Variants in ARHGAP6 observed in about 807,000 individuals in gnomAD.
ARHGAP6 encodes the protein rho GTPase-activating protein 6.
A neutral mutation model predicts 55.7 loss-of-function variants in ARHGAP6; 16 were observed. The observed-to-expected ratio is 0.29, with a 90% confidence interval of 0.19 to 0.44. The LOEUF is 0.44. ARHGAP6 is among the 20% of genes least tolerant of loss of function. The pLI is 1.00. For missense variants in ARHGAP6, 698 were observed against 808.9 expected (o/e 0.86, Z 1.66); for synonymous variants, 382 against 360.9 (o/e 1.06, Z -0.66).
intron 1 of ARHGAP6, among the ~76,000 whole-genome samples, chrX:11,474,006 G>A (rs1375547674): frequency 9.0e-6 from 1 of 110,829 alleles, no homozygotes; most frequent in Non-Finnish European, 1.9e-5. Context: ...AAGCTCCTGG[G>A]GTCCAGGCTC....
chrX:11,390,108 G>A (rs1018268085), intron 1 of ARHGAP6, among the ~76,000 whole-genome samples: 1 of 111,957 alleles, frequency 8.9e-6, no homozygotes, highest in African/African-American at 3.2e-5. Flanking sequence ...TTTGTATAAG[G>A]TATAAGGAAG....
At chrX:11,661,542 C>T (rs891215711) in intron 1 of ARHGAP6, among the ~76,000 whole-genome samples, 14 of 112,259 alleles carry the variant, frequency 1.2e-4, no homozygotes, top group African/African-American at 4.5e-4. Flanking sequence ...GGACAATTTA[C>T]GTTAAAAGCA....
intron 1 of ARHGAP6, among the ~76,000 whole-genome samples, chrX:11,269,121 T>C (rs1019962586): frequency 2.7e-5 from 3 of 111,640 alleles, no homozygotes; most frequent in Admixed American, 9.5e-5. Flanking sequence ...AATAGACTTA[T>C]GTTGTGAAAT....
At chrX:11,650,898 T>C (rs2052576841) in intron 1 of ARHGAP6, among the ~76,000 whole-genome samples, 1 of 112,359 alleles carries the variant, frequency 8.9e-6, no homozygotes, top group African/African-American at 3.2e-5. Context: ...ACCTTTCATG[T>C]TTACTTTCTC....
chrX:11,381,073 G>A (rs774683219), intron 1 of ARHGAP6, among the ~76,000 whole-genome samples: 1 of 112,833 alleles, frequency 8.9e-6, no homozygotes, highest in Non-Finnish European at 1.9e-5. Context: ...GGTTAAGTGA[G>A]GATGTATTTA....
At chrX:11,204,070 C>A (rs964138983) in intron 2 of ARHGAP6, among the ~76,000 whole-genome samples, 1 of 112,128 alleles carries the variant, frequency 8.9e-6, no homozygotes, top group Non-Finnish European at 1.9e-5. Flanking sequence ...TGTGTGTGTG[C>A]ATGACTTGAT....
At chrX:11,538,971 C>T (rs1457629472) in intron 1 of ARHGAP6, among the ~76,000 whole-genome samples, 1 of 109,863 alleles carries the variant, frequency 9.1e-6, no homozygotes, top group Non-Finnish European at 1.9e-5. Flanking sequence ...TCTCACGTCT[C>T]AGCCTCCCAA....
intron 2 of ARHGAP6, among the ~76,000 whole-genome samples, chrX:11,221,801 T>G (rs1176000655): frequency 9.0e-6 from 1 of 110,968 alleles, no homozygotes; most frequent in Non-Finnish European, 1.9e-5. Context: ...TACAGATACT[T>G]TTGTTATTTT....
At chrX:11,639,382 G>A (rs1029136339) in intron 1 of ARHGAP6, among the ~76,000 whole-genome samples, 42 of 107,347 alleles carry the variant, frequency 3.9e-4, no homozygotes, top group African/African-American at 1.4e-3. Context: ...CACCCGACAT[G>A]CCCCGGTATG....
intron 1 of ARHGAP6, among the ~76,000 whole-genome samples, chrX:11,608,612 C>T (rs1342186293): frequency 9.0e-6 from 1 of 111,590 alleles, no homozygotes; most frequent in African/African-American, 3.3e-5. Context: ...GTGCCCCCAC[C>T]CAAATCTCAT....
Position 11,493,440 on chromosome X carries a change from C to T in ARHGAP6, c.588+170801G>A, listed in dbSNP as rs772709510. ...AGCACTTTAAATGCGTGGAGAGTGA[C>T]GCAGAGCAATAGGACAATGAGATGG... On this transcript the variant is annotated intron_variant, in intron 1 of 12. Coordinates refer to ENST00000337414, the MANE Select transcript of ARHGAP6 (RefSeq NM_013427.3). Among the ~76,000 whole-genome samples the T allele has an allele frequency of 4.5e-5, 5 of 111,976 alleles. No homozygotes were observed. The South Asian group carries it at 1.1e-3, about 25-fold the overall frequency.
intron 1 of ARHGAP6, chrX:11,367,632 C>T (rs2049098360): frequency 7.0e-6 from 1 of 143,027 alleles, no homozygotes; most frequent in South Asian, 3.1e-4. Flanking sequence ...TTTAAAATTT[C>T]CCAATTATTG....
At chrX:11,381,227 C>T (rs940448758) in intron 1 of ARHGAP6, among the ~76,000 whole-genome samples, 7 of 112,243 alleles carry the variant, frequency 6.2e-5, no homozygotes, top group Non-Finnish European at 1.3e-4. Context: ...GGTAAGTTTC[C>T]GTCTACTTAG....
intron 2 of ARHGAP6, among the ~76,000 whole-genome samples, chrX:11,239,558 A>T (rs1053510218): frequency 3.6e-5 from 4 of 111,753 alleles, no homozygotes; most frequent in African/African-American, 1.3e-4. Flanking sequence ...TGGACAGCTA[A>T]CAAGATGGAC....
intron 1 of ARHGAP6, among the ~76,000 whole-genome samples, chrX:11,530,994 G>A (rs1323337687): frequency 8.9e-6 from 1 of 111,881 alleles, no homozygotes; most frequent in Non-Finnish European, 1.9e-5. Flanking sequence ...TCTGTGTGAC[G>A]GTCATTTTGT....
Position 11,245,527 on chromosome X carries a change from T to A in ARHGAP6, c.748+9021A>T, listed in dbSNP as rs189592658. Among the ~76,000 whole-genome samples the A allele has an allele frequency of 4.9e-4, 55 of 112,184 alleles. No individual in the cohort carries two copies. The East Asian group carries it at 0.015, about 31-fold the overall frequency. Reference sequence around the variant, plus strand: ...GCCACAGCAAAGATCAACTAATTTTTCCATACTGATATTTTTGTTGCTTCC... The same window carrying A: ...GCCACAGCAAAGATCAACTAATTTTACCATACTGATATTTTTGTTGCTTCC... On this transcript the variant is annotated intron_variant, in intron 2 of 12. Transcript: ENST00000337414.
At chrX:11,604,804 C>T (rs2052014950) in intron 1 of ARHGAP6, among the ~76,000 whole-genome samples, 1 of 112,306 alleles carries the variant, frequency 8.9e-6, no homozygotes, top group African/African-American at 3.2e-5. Flanking sequence ...GCTGACTCAA[C>T]AAGGAGCTCT....
chrX:11,360,212 A>T (rs183985766), intron 1 of ARHGAP6, among the ~76,000 whole-genome samples: 1 of 112,046 alleles, frequency 8.9e-6, no homozygotes, highest in Non-Finnish European at 1.9e-5. Flanking sequence ...AACAAAGAGA[A>T]TTTTAGACCA....
chrX:11,557,524 T>A (rs1601642334), intron 1 of ARHGAP6, among the ~76,000 whole-genome samples: 1 of 107,294 alleles, frequency 9.3e-6, no homozygotes. Flanking sequence ...AAAGAAAAAA[T>A]TCCATGAAAA....
Sources: allele counts gnomAD v4.1 joint callset (sites outside exome capture counted in the v4.1 genomes callset), GRCh38; gene constraint gnomAD v4.1.1; transcripts MANE v1.5; gene names NCBI Gene and HGNC (gene_info 2026-07-23, HGNC 2026-07-21).